ATP6V0A1: variants seen among roughly 807,000 people sequenced by gnomAD.
ATP6V0A1 encodes V-type proton ATPase 116 kDa subunit a 1.
In ATP6V0A1, 43 loss-of-function variants were observed where a neutral mutation model predicts 105.4. The observed-to-expected ratio is 0.41, with a 90% CI of 0.32 to 0.53. The LOEUF (loss-of-function observed/expected upper bound fraction) is 0.53. Ranked by LOEUF, ATP6V0A1 falls within the 20% of genes least tolerant of loss-of-function variation. The probability of loss-of-function intolerance (pLI) is 0.30; values close to 1 mark genes in which losing one functional copy is unlikely to be tolerated. For missense variants in ATP6V0A1, 676 were observed against 1,051.1 expected (o/e 0.64, Z 4.93); for synonymous variants, 362 against 372.8 (o/e 0.97, Z 0.33).
At chr17:42,517,439 G>A (rs1365191625) in intron 21 of ATP6V0A1, among the ~76,000 whole-genome samples, 4 of 152,216 alleles carry the variant, frequency 2.6e-5, no homozygotes, top group Non-Finnish European at 5.9e-5. Flanking sequence ...CTCAGGTGCT[G>A]TTTGCAAGGA....
At chr17:42,510,337 G>A (rs901298480) in intron 19 of ATP6V0A1, 5 of 152,326 alleles carry the variant, frequency 3.3e-5, no homozygotes, top group Non-Finnish European at 7.3e-5. Context: ...CCAAAGTGGG[G>A]AGATAGTCTG....
At chr17:42,495,573 G>T in intron 13 of ATP6V0A1, 53 bp from the exon 14 acceptor site, 2 of 1,425,726 alleles carry the variant, frequency 1.4e-6, no homozygotes, top group African/African-American at 1.4e-5. Flanking sequence ...CTGGACCCTT[G>T]TTGTTTCCCT....
At chr17:42,485,537 T>G (rs775071872) in intron 9 of ATP6V0A1, among the ~76,000 whole-genome samples, 12 of 150,680 alleles carry the variant, frequency 8.0e-5, no homozygotes, top group Non-Finnish European at 1.5e-4. Flanking sequence ...TGTGTTTTGT[T>G]TGTTTGTTTT....
intron 18 of ATP6V0A1, 36 bp from the exon 19 acceptor site, chr17:42,508,536 G>T (rs369409871): frequency 3.1e-6 from 5 of 1,613,820 alleles, no homozygotes; most frequent in Non-Finnish European, 4.2e-6. Context: ...TGTGTGTGGC[G>T]TGGCTCCCCA....
intron 15 of ATP6V0A1, among the ~76,000 whole-genome samples, chr17:42,499,257 G>A: frequency 6.6e-6 from 1 of 152,138 alleles, no homozygotes; most frequent in East Asian, 1.9e-4. Context: ...GATCACCTGA[G>A]GTCAGGAGTT....
chr17:42,508,160 T>C (rs1223559561), intron 18 of ATP6V0A1, among the ~76,000 whole-genome samples: 1 of 152,184 alleles, frequency 6.6e-6, no homozygotes, highest in Non-Finnish European at 1.5e-5. Context: ...AACTAGACTT[T>C]TCCTTAAGAT....
Position 42,487,377 on chromosome 17 carries a change from C to A in ATP6V0A1, c.1023+10C>A. The stretch of plus-strand genomic sequence containing the variant: ...ACTCAGAAGGGGCACGGTGAGTCCC[C>A]AAAGCTAACAATGCAGCTCGTGGCC... On this transcript the variant is annotated intron_variant, in intron 10 of 21. Coordinates refer to ENST00000343619, the MANE Select transcript of ATP6V0A1 (RefSeq NM_001130021.3). 6.2e-7 allele frequency: 1 copy of A among 1,612,100 alleles called. No homozygotes were observed. Among genetic ancestry groups the A allele is most frequent in the South Asian group, 1.1e-5 (1 of 90,940 alleles).
chr17:42,495,844 C>T, intron 14 of ATP6V0A1, 128 bp downstream of exon 14: 2 of 808,336 alleles, frequency 2.5e-6, no homozygotes, highest in Admixed American at 4.7e-5. Context: ...GCCTGTAATC[C>T]CAGCACTTTG....
intron 4 of ATP6V0A1, among the ~76,000 whole-genome samples, chr17:42,468,816 C>G (rs1318749042): frequency 6.6e-6 from 1 of 151,644 alleles, no homozygotes; most frequent in African/African-American, 2.4e-5. Flanking sequence ...ATTGGTTTAT[C>G]GAAACCTTAT....
chr17:42,477,757 A>G lies in ATP6V0A1; in HGVS notation c.506+15A>G. 2 of 1,594,700 alleles carry G rather than the reference A, an allele frequency of 1.3e-6. No individual in the cohort carries two copies. The highest frequency in any genetic ancestry group is 1.7e-6 in the Non-Finnish European group (2 of 1,163,254). On this transcript the variant is annotated intron_variant, in intron 6 of 21. Transcript: ENST00000343619. ...TTAAGACTTGGGTAAGTGCCATGTC[A>G]ACTTTTCGGTATTCAGTGGGGCCAT...
intron 5 of ATP6V0A1, among the ~76,000 whole-genome samples, chr17:42,472,777 G>C (rs1276029405): frequency 6.6e-6 from 1 of 152,104 alleles, no homozygotes; most frequent in Non-Finnish European, 1.5e-5. Flanking sequence ...CTCTTTTGAG[G>C]GGAGATCAAA....
At chr17:42,514,659 A>G (rs1354506224) in intron 21 of ATP6V0A1, among the ~76,000 whole-genome samples, 199 bp downstream of exon 21, 1 of 152,122 alleles carries the variant, frequency 6.6e-6, no homozygotes, top group African/African-American at 2.4e-5. Flanking sequence ...AGCACAGCTC[A>G]GCCTTCCCTA....
intron 11 of ATP6V0A1, among the ~76,000 whole-genome samples, chr17:42,492,421 G>T (rs1281313253): frequency 6.8e-6 from 1 of 147,108 alleles, no homozygotes; most frequent in Admixed American, 6.9e-5. Flanking sequence ...GAGTTCATCG[G>T]CTGGGCCAGG....
intron 14 of ATP6V0A1, among the ~76,000 whole-genome samples, chr17:42,496,846 A>G (rs2091231439): frequency 6.6e-6 from 1 of 152,108 alleles, no homozygotes; most frequent in Non-Finnish European, 1.5e-5. Flanking sequence ...AAAAAAATAG[A>G]TGGAATGACA....
chr17:42,476,380 C>T (rs2088746587), intron 5 of ATP6V0A1, among the ~76,000 whole-genome samples: 1 of 152,106 alleles, frequency 6.6e-6, no homozygotes, highest in African/African-American at 2.4e-5. Flanking sequence ...GTCCCTGTGC[C>T]ACTTTTTAAG....
chr17:42,499,103 G>T lies in ATP6V0A1; in HGVS notation c.1679+61G>T. 7 of 1,213,630 alleles carry T rather than the reference G, an allele frequency of 5.8e-6. No individual in the cohort carries two copies. In the South Asian group the frequency reaches 7.7e-5, roughly 13 times the overall value. 75.2% of individuals were successfully genotyped at this position (1,213,630 alleles called of 1,614,324 possible). A position where few individuals can be genotyped will look rare whatever the true frequency, so the allele number is the denominator to read the frequency against. ...AGTTTAGAGAATGCTTTTGTGTAAA[G>T]AAATCATGACATCTTTGGGGAGGGA... On this transcript the variant is annotated intron_variant, in intron 15 of 21. Coordinates refer to ENST00000343619, the MANE Select transcript of ATP6V0A1 (RefSeq NM_001130021.3).
At chr17:42,502,668 C>T (rs1277191834) in intron 17 of ATP6V0A1, 1 of 152,606 alleles carries the variant, frequency 6.6e-6, no homozygotes, top group Admixed American at 6.5e-5. Context: ...AGCTGAGTTA[C>T]AAGACCCTCC....
intron 17 of ATP6V0A1, chr17:42,502,662 G>A (rs1200637708): frequency 6.6e-6 from 1 of 152,612 alleles, no homozygotes; most frequent in Non-Finnish European, 1.5e-5. Flanking sequence ...GAGAGCAGCT[G>A]AGTTACAAGA....
intron 5 of ATP6V0A1, among the ~76,000 whole-genome samples, chr17:42,473,007 T>C (rs1307768906): frequency 1.3e-5 from 2 of 152,194 alleles, no homozygotes; most frequent in Admixed American, 6.5e-5. Flanking sequence ...ATGTGATACA[T>C]TCCTCACTAA....
Sources: gnomAD v4.1 joint callset for allele counts (sites outside exome capture counted in the v4.1 genomes callset) on GRCh38, gnomAD v4.1.1 for gene constraint, MANE v1.5 for transcripts, NCBI Gene and HGNC (gene_info 2026-07-23, HGNC 2026-07-21) for gene names.